Variants in SMC2 observed in about 807,000 individuals in gnomAD.
SMC2 encodes the protein structural maintenance of chromosomes protein 2.
SMC2 carries 41 observed loss-of-function variants against 142.6 expected under a neutral mutation model. That is an observed-to-expected ratio of 0.29 (90% confidence interval 0.22 to 0.37). The LOEUF is 0.37. SMC2 is among the 10% of genes least tolerant of loss of function. SMC2 has a pLI of 1.00. For synonymous variants in SMC2, 463 were observed against 457.5 expected (o/e 1.01, Z -0.15); for missense variants, 1,265 against 1,373.7 (o/e 0.92, Z 1.25).
intron 9 of SMC2, among the ~76,000 whole-genome samples, chr9:104,104,153 T>C (rs752641982): frequency 2.0e-5 from 3 of 152,198 alleles, no homozygotes; most frequent in Non-Finnish European, 4.4e-5. Context: ...CATCCAGCTC[T>C]GTAACTCTAA....
chr9:104,090,306 T>C (rs1324062704), upstream of SMC2, among the ~76,000 whole-genome samples: 1 of 152,226 alleles, frequency 6.6e-6, no homozygotes, highest in Non-Finnish European at 1.5e-5. Flanking sequence ...CAAAATTTTA[T>C]ACTTGGCTAT....
At chr9:104,127,533 C>G in intron 20 of SMC2, 53 bp downstream of exon 20, 1 of 1,363,494 alleles carries the variant, frequency 7.3e-7, no homozygotes, top group Non-Finnish European at 9.7e-7. Context: ...TTACTGAGCT[C>G]TTGAAAAAAT....
Position 104,116,446 on chromosome 9 carries a change from T to G in SMC2, c.1791+127T>G, listed in dbSNP as rs1048351243. On this transcript the variant is annotated intron_variant, in intron 14 of 24. Coordinates refer to ENST00000374793, the MANE Select transcript of SMC2 (RefSeq NM_006444.3). ...AAAATTAAAATACAAAAAAATTGGGTTGGCTTGTGCAATTAGATGATAAGA... is the reference window on the plus strand; with the variant it reads ...AAAATTAAAATACAAAAAAATTGGGGTGGCTTGTGCAATTAGATGATAAGA... 3.6e-6 allele frequency: 3 copies of G among 836,858 alleles called. No homozygotes were observed. The African/African-American group carries it at 5.4e-5, about 15-fold the overall frequency. 51.8% of individuals were successfully genotyped at this position (836,858 alleles called of 1,614,324 possible).
chr9:104,102,349 AC>A (rs2131321995), intron 8 of SMC2, 74 bp from the exon 9 acceptor site: 2 of 1,372,694 alleles, frequency 1.5e-6, no homozygotes, highest in East Asian at 4.6e-5. Flanking sequence ...AGTGTTTGAT[AC>A]AGAACTCATA....
chr9:104,092,381 A>G (rs940677531), upstream of SMC2: 2 of 152,240 alleles, frequency 1.3e-5, no homozygotes, highest in African/African-American at 4.8e-5. Flanking sequence ...TGCAAAGACT[A>G]ACAGTCTGTC....
intron 17 of SMC2, among the ~76,000 whole-genome samples, chr9:104,123,684 TCTCATG>T (rs1408744864): frequency 6.6e-6 from 1 of 152,206 alleles, no homozygotes; most frequent in African/African-American, 2.4e-5. Flanking sequence ...TTCCCACTGT[TCTCATG>T]CTTAAGAGTC....
Position 104,111,802 on chromosome 9 carries a change from A to G in SMC2, c.1242A>G (p.Thr414=). The G allele has an allele frequency of 6.2e-7, 1 of 1,612,654 alleles. No individual in the cohort carries two copies. The highest frequency in any genetic ancestry group is 1.3e-5 in the African/African-American group (1 of 74,762). ...ACKNDISKAQ[T]EAKQAQMKLK... ...AAAATGATATAAGTAAAGCTCAGAC[A>G]GAAGCCAAACAGGTAAATAGAGACA... Residue 414 remains threonine, a synonymous_variant, in exon 10 of 25, where the codon ACA becomes ACG. Coordinates refer to ENST00000374793, the MANE Select transcript of SMC2 (RefSeq NM_006444.3).
chr9:104,113,613 A>G (rs1260069386), intron 11 of SMC2, 138 bp downstream of exon 11: 4 of 639,682 alleles, frequency 6.3e-6, no homozygotes, highest in Non-Finnish European at 9.8e-6. Flanking sequence ...AAGTGTTGTA[A>G]ATATCGTCAA....
intron 17 of SMC2, among the ~76,000 whole-genome samples, chr9:104,124,488 GTATAA>G (rs1834056778): frequency 6.6e-6 from 1 of 152,024 alleles, no homozygotes. Flanking sequence ...CCCTGAATAT[GTATAA>G]AATAGGCAAA....
chr9:104,099,718 G>T, intron 5 of SMC2, 36 bp downstream of exon 5: 2 of 1,233,266 alleles, frequency 1.6e-6, no homozygotes, highest in Non-Finnish European at 2.4e-6. Context: ...AAAATAGTTG[G>T]TATAGATATT....
At chr9:104,092,980 C>T (rs949525324), upstream of SMC2, 5 of 152,212 alleles carry the variant, frequency 3.3e-5, no homozygotes, top group South Asian at 2.1e-4. Context: ...GCCTCTGCCT[C>T]TCCACCATGC....
chr9:104,124,931 G>C lies in SMC2; in HGVS notation c.2277G>C (p.Leu759Phe), dbSNP rs780507949. The change falls in exon 18 of 25, where the codon TTG (leucine) becomes TTC (phenylalanine). Residue 759 changes from leucine (L) to phenylalanine (F), a missense_variant. Transcript: ENST00000374793. ...KKTIEESEET[L>F]KNTKEIQRKA... ...ATGCAGAGGAAAGTGAGGAGACTTT[G>C]AAAAACACTAAAGAAATCCAAAGAA... The C allele has an allele frequency of 6.3e-7, 1 of 1,590,506 alleles. No homozygotes were observed. The highest frequency in any genetic ancestry group is 8.5e-7 in the Non-Finnish European group (1 of 1,174,372).
At chr9:104,115,256 T>TA (rs1832955736) in intron 13 of SMC2, among the ~76,000 whole-genome samples, 1 of 151,156 alleles carries the variant, frequency 6.6e-6, no homozygotes, top group African/African-American at 2.4e-5. Flanking sequence ...GTTTTTTTTT[T>TA]AATTTATTTT....
At position 104,140,273 on chromosome 9, in the gene SMC2, ATTAT is replaced by A. The variant is rs1165735067; in HGVS notation, c.*961_*964del. ...ACCAAAATAACTCAAAAGTTGGATG[ATTAT>A]TTGTCTTCCGCTTTCCAGTTCAAAG... On this transcript the variant is annotated 3_prime_UTR_variant, in exon 25 of 25. Transcript: ENST00000374793. 1.3e-5 allele frequency: 2 copies of A among 152,096 alleles called. No individual in the cohort carries two copies. The highest frequency in any genetic ancestry group is 1.3e-4 in the Admixed American group (2 of 15,256). 9.4% of individuals were successfully genotyped at this position (152,096 alleles called of 1,614,324 possible).
At chr9:104,136,100 A>G (rs979917924) in intron 23 of SMC2, 1 of 313,648 alleles carries the variant, frequency 3.2e-6, no homozygotes, top group Non-Finnish European at 6.4e-6. Context: ...TAGCCAATTA[A>G]TTAAAACCTC....
At chr9:104,116,925 A>T (rs1833179191) in intron 14 of SMC2, among the ~76,000 whole-genome samples, 1 of 151,940 alleles carries the variant, frequency 6.6e-6, no homozygotes, top group Non-Finnish European at 1.5e-5. Context: ...GAAGTCAGTC[A>T]TAACATTCAG....
At chr9:104,113,577 A>G (rs1832735687) in intron 11 of SMC2, 102 bp downstream of exon 11, 2 of 914,762 alleles carry the variant, frequency 2.2e-6, no homozygotes, top group South Asian at 4.5e-5. Flanking sequence ...AACATTTCTT[A>G]GCCTATTAAC....
In SMC2 at chr9:104,114,026, A is replaced by G. The variant is rs763495522; in HGVS notation, c.1477A>G (p.Lys493Glu). The change falls in exon 12 of 25, where the codon AAA becomes GAA. Residue 493 changes from lysine (K) to glutamate (E), a missense_variant. This residue lies in a region of SMC2 where 898 missense variants were observed against 904.2 expected (regional missense o/e 0.99). Transcript: ENST00000374793. ...GCTGTCTCGTGATATTGGTAGATTGAAAGAAACATATGAAGCTCTATTAGC... is the reference window on the plus strand; with the variant it reads ...GCTGTCTCGTGATATTGGTAGATTGGAAGAAACATATGAAGCTCTATTAGC... ...RQLSRDIGRL[K>E]ETYEALLARF... 1.2e-6 allele frequency: 2 copies of G among 1,602,230 alleles called. No homozygotes were observed. Among genetic ancestry groups the G allele is most frequent in the Non-Finnish European group, 1.7e-6 (2 of 1,176,650 alleles).
chr9:104,096,272 A>T lies in SMC2; in HGVS notation c.293A>T (p.His98Leu). 6.2e-7 allele frequency: 1 copy of T among 1,614,170 alleles called. No homozygotes were observed. Among genetic ancestry groups the T allele is most frequent in the Non-Finnish European group, 8.5e-7 (1 of 1,179,974 alleles). Residue 98 changes from histidine (H) to leucine (L), a missense_variant, in exon 3 of 25, where the codon CAT (histidine) becomes CTT (leucine). By Grantham distance (99) the His-to-Leu change is moderately conservative (BLOSUM62 -3). Coordinates refer to ENST00000374793, the MANE Select transcript of SMC2 (RefSeq NM_006444.3). ...CAAAGTCCTTTAGGATTTGAGGTTC[A>T]TGATGAAATCACAGTAACAAGGCAG... is the stretch of plus-strand genomic sequence containing the variant. ...KKQSPLGFEV[H>L]DEITVTRQVV...
Sources: gnomAD v4.1 joint callset for allele counts (sites outside exome capture counted in the v4.1 genomes callset) on GRCh38, gnomAD v4.1.1 for gene constraint, gnomAD v4.1.1 regional missense constraint, MANE v1.5 for transcripts, NCBI Gene and HGNC (gene_info 2026-07-23, HGNC 2026-07-21) for gene names.